Variants in GRID2 observed in about 807,000 individuals in gnomAD.
The protein encoded by GRID2 is glutamate receptor ionotropic, delta-2.
A neutral mutation model predicts 114.8 loss-of-function variants in GRID2; 33 were observed. That is an observed-to-expected ratio of 0.29 (90% CI 0.22 to 0.38). The LOEUF (loss-of-function observed/expected upper bound fraction) is 0.38, where lower values mean the gene tolerates loss of function less well. Ranked by LOEUF, GRID2 falls within the 10% of genes least tolerant of loss-of-function variation. GRID2 has a pLI of 1.00. For missense variants in GRID2, 1,184 were observed against 1,257.7 expected (o/e 0.94, Z 0.89); for synonymous variants, 505 against 449.9 (o/e 1.12, Z -1.55).
At chr4:93,619,735 A>T (rs147532375) in intron 13 of GRID2, among the ~76,000 whole-genome samples, 68 of 152,344 alleles carry the variant, frequency 4.5e-4, no homozygotes, top group Middle Eastern at 3.4e-3. Context: ...TTTTCCAATG[A>T]TCTTGAGAAG....
intron 2 of GRID2, among the ~76,000 whole-genome samples, chr4:92,916,222 T>C (rs1005631031): frequency 6.6e-6 from 1 of 152,154 alleles, no homozygotes; most frequent in Non-Finnish European, 1.5e-5. Context: ...AAGACTTTAA[T>C]ACATAATGAG....
At chr4:92,813,772 A>G (rs1345829334) in intron 2 of GRID2, among the ~76,000 whole-genome samples, 1 of 152,162 alleles carries the variant, frequency 6.6e-6, no homozygotes, top group African/African-American at 2.4e-5. Context: ...AGTATCTAAT[A>G]TAAAACTGAG....
chr4:92,832,314 G>A (rs2149400253), intron 2 of GRID2, among the ~76,000 whole-genome samples: 1 of 152,104 alleles, frequency 6.6e-6, no homozygotes, highest in African/African-American at 2.4e-5. Flanking sequence ...TTAGCCAAAT[G>A]TGGTGATACC....
chr4:93,046,224 T>TC (rs1726120125), intron 2 of GRID2, among the ~76,000 whole-genome samples: 1 of 152,118 alleles, frequency 6.6e-6, no homozygotes. Context: ...CCTCTTTCCC[T>TC]CATGATATTA....
Position 92,686,095 on chromosome 4 carries a change from TTGA to T in GRID2, c.244+95813_244+95815del, listed in dbSNP as rs1191593313. On this transcript the variant is annotated intron_variant, in intron 2 of 15. Coordinates refer to ENST00000282020, the MANE Select transcript of GRID2 (RefSeq NM_001510.4). ...CTCTCTGTAAAGTTTTCCTTTCATCTTGATGAAGTCCCTTCATTCATTGCTTAA... is the reference window on the plus strand; with the variant it reads ...CTCTCTGTAAAGTTTTCCTTTCATCTTGAAGTCCCTTCATTCATTGCTTAA... Among the ~76,000 whole-genome samples, 14 of 152,196 alleles carry T rather than the reference TTGA, an allele frequency of 9.2e-5. No homozygotes were observed. The South Asian group carries it at 2.7e-3, about 29-fold the overall frequency.
chr4:92,376,463 C>T (rs1729362351), intron 1 of GRID2, among the ~76,000 whole-genome samples: 1 of 152,092 alleles, frequency 6.6e-6, no homozygotes, highest in Non-Finnish European at 1.5e-5. Context: ...CATGGGCTGG[C>T]ATTGAGTGTC....
intron 2 of GRID2, among the ~76,000 whole-genome samples, chr4:92,860,375 T>C (rs1013741606): frequency 3.3e-5 from 5 of 152,168 alleles, no homozygotes; most frequent in South Asian, 2.1e-4. Context: ...AGCGATTTAA[T>C]TTTATTTTCT....
At chr4:92,842,899 G>T (rs6817811) in intron 2 of GRID2, among the ~76,000 whole-genome samples, 1 of 151,784 alleles carries the variant, frequency 6.6e-6, no homozygotes, top group Non-Finnish European at 1.5e-5. Flanking sequence ...GGCATTTAGG[G>T]GATGTGTATT....
chr4:93,383,074 A>G lies in GRID2; in HGVS notation c.1246-12533A>G, dbSNP rs1022526791. On this transcript the variant is annotated intron_variant, in intron 8 of 15. Transcript: ENST00000282020. ...CCCGTGTGTATGTGGTTGCTTTTAA[A>G]TGTCTTAGTATTTAATGTCTACCTC... 4.8e-4 allele frequency among the ~76,000 whole-genome samples: 73 copies of G among 152,108 alleles called. 1 individual carries two copies. Among genetic ancestry groups the G allele is most frequent in the African/African-American group, 1.6e-3 (65 of 41,524 alleles).
At chr4:93,601,023 G>C (rs188411568) in intron 13 of GRID2, among the ~76,000 whole-genome samples, 2 of 152,262 alleles carry the variant, frequency 1.3e-5, no homozygotes, top group African/African-American at 2.4e-5. Flanking sequence ...GTGAGGAAGA[G>C]GGCAAGGAAA....
chr4:92,634,951 C>T (rs1730998882), intron 2 of GRID2, among the ~76,000 whole-genome samples: 1 of 151,532 alleles, frequency 6.6e-6, no homozygotes, highest in African/African-American at 2.4e-5. Context: ...TTTGCAGCTG[C>T]AATAAAGAAG....
intron 14 of GRID2, among the ~76,000 whole-genome samples, chr4:93,668,880 C>G (rs1301894961): frequency 5.3e-5 from 8 of 151,972 alleles, no homozygotes; most frequent in Admixed American, 5.2e-4. Context: ...AAAATAAGAA[C>G]AAATTACTCA....
intron 1 of GRID2, among the ~76,000 whole-genome samples, chr4:93,789,194 A>G (rs1734648893): frequency 2.0e-5 from 3 of 152,330 alleles, no homozygotes; most frequent in South Asian, 4.1e-4. Context: ...TATAATTCAC[A>G]TTTTCATCAG....
At chr4:92,989,559 A>C (rs1294372090) in intron 2 of GRID2, among the ~76,000 whole-genome samples, 1 of 152,090 alleles carries the variant, frequency 6.6e-6, no homozygotes, top group Non-Finnish European at 1.5e-5. Context: ...AAGCTGTATA[A>C]GTGAATGTAT....
chr4:93,028,792 G>A lies in GRID2; in HGVS notation c.245-56203G>A, dbSNP rs578146711. Among the ~76,000 whole-genome samples the A allele has an allele frequency of 3.9e-5, 6 of 152,022 alleles. No individual in the cohort carries two copies. In the East Asian group the frequency reaches 1.2e-3, roughly 29 times the overall value. On this transcript the variant is annotated intron_variant, in intron 2 of 15. Transcript: ENST00000282020. ...CTAGAAAATTAGGCCTAGAAAATGA[G>A]GTAGCTGGTCCTGCTTTCTGCTCCC...
chr4:93,193,365 G>A lies in GRID2; in HGVS notation c.736-14039G>A, dbSNP rs147357895. On this transcript the variant is annotated intron_variant, in intron 4 of 15. Coordinates refer to ENST00000282020, the MANE Select transcript of GRID2 (RefSeq NM_001510.4). ...TCCCCACGTGTCATGGGAGAGACCC[G>A]GTGGGAGGTAATTGAATCATGGGGT... is the stretch of plus-strand genomic sequence containing the variant. 7.7e-3 allele frequency among the ~76,000 whole-genome samples: 1,165 copies of A among 152,110 alleles called. 13 individuals are homozygous for A. Among genetic ancestry groups the A allele is most frequent in the African/African-American group, 0.027 (1,102 of 41,494 alleles).
chr4:93,181,833 C>A (rs1049929709), intron 4 of GRID2, among the ~76,000 whole-genome samples: 2 of 152,114 alleles, frequency 1.3e-5, no homozygotes, highest in African/African-American at 4.8e-5. Flanking sequence ...TGTAAAGATT[C>A]CTCATAGTAG....
At chr4:92,482,105 A>T in intron 1 of GRID2, among the ~76,000 whole-genome samples, 1 of 147,794 alleles carries the variant, frequency 6.8e-6, no homozygotes, top group East Asian at 2.0e-4. Context: ...ATCTATATTT[A>T]TATATATACT....
intron 4 of GRID2, among the ~76,000 whole-genome samples, chr4:93,141,803 GT>G (rs200189130): frequency 2.6e-5 from 4 of 152,204 alleles, no homozygotes; most frequent in African/African-American, 7.2e-5. Context: ...GATTTAACAG[GT>G]TTTTTTGTAG....
Sources: gnomAD v4.1 joint callset for allele counts (sites outside exome capture counted in the v4.1 genomes callset) on GRCh38, gnomAD v4.1.1 for gene constraint, MANE v1.5 for transcripts, NCBI Gene and HGNC (gene_info 2026-07-23, HGNC 2026-07-21) for gene names.